AGRN: variants seen among roughly 807,000 people sequenced by gnomAD.
The protein encoded by AGRN is agrin proteoglycan.
Under a neutral mutation model 211.0 loss-of-function variants are expected in AGRN, and 106 were observed. That is an observed-to-expected ratio of 0.50 (90% CI 0.43 to 0.59). AGRN has a LOEUF of 0.59. Ranked by LOEUF, AGRN falls within the 20% of genes least tolerant of loss-of-function variation. The probability of loss-of-function intolerance (pLI) is 0.00; values close to 1 mark genes in which losing one functional copy is unlikely to be tolerated. For missense variants in AGRN, 3,040 were observed against 2,982.6 expected, an observed-to-expected ratio of 1.02 and a Z score of -0.45; for synonymous variants, 1,525 against 1,332.5, an observed-to-expected ratio of 1.14 and a Z score of -3.15.
Position 1,020,389 on chromosome 1 carries a change from C to T in AGRN, c.201+16C>T, listed in dbSNP as rs1644369166. On this transcript the variant is annotated intron_variant, in intron 1 of 35. Coordinates refer to ENST00000379370, the MANE Select transcript of AGRN (RefSeq NM_198576.4). ...CTCCTGCAAGGTGCGCCCACCCGGA[C>T]CCCGGCCTCCCCTCGCGACGCCTGC... is the stretch of plus-strand genomic sequence containing the variant. 1 of 1,489,926 alleles carries T rather than the reference C, an allele frequency of 6.7e-7. No individual in the cohort carries two copies. The allele number at this position is 1,489,926 out of a possible 1,614,324, so 92.3% of individuals were successfully genotyped here.
In AGRN at chr1:1,046,977, A is replaced by T. The variant is rs1165331107; in HGVS notation, c.3388+20A>T. 1 of 1,567,576 alleles carries T rather than the reference A, an allele frequency of 6.4e-7. No individual in the cohort carries two copies. The highest frequency in any genetic ancestry group is 1.9e-5 in the Admixed American group (1 of 52,836). Reference sequence around the variant, plus strand: ...GCCCCGGTGAGTGGACGGCTGGGCGAGGGGAGTGTGAGGATAGCCTGGGCT... The same window carrying T: ...GCCCCGGTGAGTGGACGGCTGGGCGTGGGGAGTGTGAGGATAGCCTGGGCT... On this transcript the variant is annotated intron_variant, in intron 19 of 35. Coordinates refer to ENST00000379370, the MANE Select transcript of AGRN (RefSeq NM_198576.4).
rs1645160375 is a variant in AGRN, at chr1:1,048,254, C to A, written c.3994C>A (p.Pro1332Thr). 4 of 1,540,442 alleles carry A rather than the reference C, an allele frequency of 2.6e-6. No homozygotes were observed. The highest frequency in any genetic ancestry group is 4.8e-5 in the East Asian group (2 of 41,350). The change falls in exon 23 of 36, where the codon CCC (proline) becomes ACC (threonine). Residue 1332 changes from proline (P) to threonine (T), a missense_variant. Coordinates refer to ENST00000379370, the MANE Select transcript of AGRN (RefSeq NM_198576.4). This position sits in a 1 kb window ranked among gnomAD's most constrained non-coding sequence, Gnocchi z 5.9. The stretch of plus-strand genomic sequence containing the variant: ...CCCGGCCCCCCAGCAGCCTCCAAAG[C>A]CCTGTGACTCACAGCCCTGCTTCCA... ...RPPAPQQPPK[P>T]CDSQPCFHGG...
At position 1,051,064 on chromosome 1, in the gene AGRN, G is replaced by A. The variant is rs954334869; in HGVS notation, c.5254-189G>A. 10 of 1,547,864 alleles carry A rather than the reference G, an allele frequency of 6.5e-6. No individual in the cohort carries two copies. In the African/African-American group the frequency reaches 8.2e-5, roughly 13 times the overall value. On this transcript the variant is annotated intron_variant, in intron 30 of 35. Transcript: ENST00000379370. ...GCAAGGTACTGTCGGCCTCTCATCC[G>A]CTCACCGTCTCTGGCGCCTCAACCC...
intron 4 of AGRN, 66 bp downstream of exon 4, chr1:1,040,946 G>C (rs1644914404): frequency 8.6e-7 from 1 of 1,157,498 alleles, no homozygotes; most frequent in Admixed American, 4.7e-5. Context: ...AGCGAGGCTG[G>C]GAGGGGCTTC....
rs1238861652 is a variant in AGRN at position 1,046,076 on chromosome 1, C to T, written c.2793C>T (p.Ala931=). Residue 931 remains alanine, a synonymous_variant, in exon 16 of 36, where the codon GCC becomes GCT. Transcript: ENST00000379370. The part of the protein sequence containing the change: ...CVCPMLTCPE[A]NATKVCGSDG... ...GCCCGATGCTCACCTGTCCAGAGGC[C>T]AACGCTACCAAGGTGAGGGGTGTGG... The T allele has an allele frequency of 1.2e-6, 2 of 1,614,058 alleles. No individual in the cohort carries two copies. Among genetic ancestry groups the T allele is most frequent in the East Asian group, 2.2e-5 (1 of 44,878 alleles).
In AGRN at chr1:1,020,129, C is replaced by T. The variant is rs1376314678; in HGVS notation, c.-44C>T. Reference sequence around the variant, plus strand: ...GCGTCCCGTCCTGTCCAGTCCCGTCCCCGGCGCGGCCCGCGCGCTCCTCCG... The same window carrying T: ...GCGTCCCGTCCTGTCCAGTCCCGTCTCCGGCGCGGCCCGCGCGCTCCTCCG... On this transcript the variant is annotated 5_prime_UTR_variant, in exon 1 of 36. Coordinates refer to ENST00000379370, the MANE Select transcript of AGRN (RefSeq NM_198576.4). 10 of 1,075,422 alleles carry T rather than the reference C, an allele frequency of 9.3e-6. No individual in the cohort carries two copies. Among genetic ancestry groups the T allele is most frequent in the East Asian group, 8.4e-5 (2 of 23,686 alleles). 66.6% of individuals were successfully genotyped at this position (1,075,422 alleles called of 1,614,324 possible).
rs368235925 is a variant in AGRN, at chr1:1,047,810, C to A, written c.3666C>A (p.Ala1222=). The change falls in exon 22 of 36, where the codon GCC becomes GCA. Residue 1222 remains alanine, a synonymous_variant. Coordinates refer to ENST00000379370, the MANE Select transcript of AGRN (RefSeq NM_198576.4). ...TAFRAPDVAR[A]LLRQIQVSRR... is the part of the protein sequence containing the mutation. ...TCAGGGCACCCGACGTGGCCCGGGC[C>A]CTGCTCCGGCAGATCCAGGTGTCCA... is the stretch of plus-strand genomic sequence containing the variant. The A allele has an allele frequency of 2.1e-5, 34 of 1,603,306 alleles. No individual in the cohort carries two copies. The African/African-American group carries it at 4.2e-4, about 20-fold the overall frequency.
intron 2 of AGRN, chr1:1,034,763 A>G (rs1054142718): frequency 4.0e-6 from 4 of 1,003,066 alleles, no homozygotes; most frequent in African/African-American, 1.7e-5. Context: ...GCCCCTGCAC[A>G]TAGAGGCTGG....
In AGRN at chr1:1,052,070, C is replaced by A. The variant is rs1037602270; in HGVS notation, c.5651+255C>A. 4.1e-6 allele frequency: 6 copies of A among 1,471,170 alleles called. No individual in the cohort carries two copies. In the Admixed American group the frequency reaches 1.2e-4, roughly 30 times the overall value. The allele number at this position is 1,471,170 out of a possible 1,614,324, so 91.1% of individuals were successfully genotyped here. The stretch of plus-strand genomic sequence containing the variant: ...CTCTCACTCCCACTCCTCCATCCTT[C>A]CTGGTGGGGAGCAGAGTCCGGAGCC... On this transcript the variant is annotated intron_variant, in intron 33 of 35. Coordinates refer to ENST00000379370, the MANE Select transcript of AGRN (RefSeq NM_198576.4).
intron 2 of AGRN, 27 bp from the exon 3 acceptor site, chr1:1,035,250 C>T: frequency 6.2e-7 from 1 of 1,612,620 alleles, no homozygotes; most frequent in African/African-American, 1.3e-5. Flanking sequence ...TCAGAGGAGC[C>T]TAACTTGGGG....
In AGRN at chr1:1,043,325, C is replaced by A; in HGVS notation, c.1471C>A (p.Leu491Met). 6.2e-7 allele frequency: 1 copy of A among 1,610,012 alleles called. No homozygotes were observed. Residue 491 changes from leucine to methionine, a missense_variant, in exon 8 of 36, where the codon CTG becomes ATG. By Grantham distance (15) the Leu-to-Met change is conservative. Around this residue, in one of 3 missense-constraint regions of AGRN, gnomAD observed 1,498 missense variants for 1,457.8 expected, o/e 1.03. Coordinates refer to ENST00000379370, the MANE Select transcript of AGRN (RefSeq NM_198576.4). ...VKNGQAACEC[L>M]QACSSLYDPV... ...GAACGGGCAGGCAGCGTGTGAATGC[C>A]TGCAGGCGTGCTCGAGCCTCTACGA...
In AGRN at chr1:1,051,782, C is replaced by A; in HGVS notation, c.5618C>A (p.Thr1873Asn). The change falls in exon 33 of 36, where the codon ACC becomes AAC. Residue 1873 changes from threonine to asparagine, a missense_variant. Coordinates refer to ENST00000379370, the MANE Select transcript of AGRN (RefSeq NM_198576.4). ...GATACCTTGGCCTTTGACGGGCGGACCTTTGTCGAGTACCTCAACGCTGTG... is the reference window on the plus strand; with the variant it reads ...GATACCTTGGCCTTTGACGGGCGGAACTTTGTCGAGTACCTCAACGCTGTG... ...DVDTLAFDGR[T>N]FVEYLNAVTE... The A allele has an allele frequency of 1.9e-6, 3 of 1,613,830 alleles. No individual in the cohort carries two copies. The highest frequency in any genetic ancestry group is 1.7e-6 in the Non-Finnish European group (2 of 1,179,984).
intron 19 of AGRN, 88 bp from the exon 20 acceptor site, chr1:1,047,239 C>T: frequency 6.6e-7 from 1 of 1,524,306 alleles, no homozygotes; most frequent in Non-Finnish European, 8.8e-7. Context: ...TCCCTTGCAC[C>T]CTTGTGGCTT....
At position 1,054,608 on chromosome 1, in the gene AGRN, G is replaced by A; in HGVS notation, c.5980+57G>A. The A allele has an allele frequency of 1.9e-6, 3 of 1,541,692 alleles. 1 individual carries two copies. Among genetic ancestry groups the A allele is most frequent in the Non-Finnish European group, 2.6e-6 (3 of 1,140,672 alleles). Reference sequence around the variant, plus strand: ...CCCAAGGGTCTCATGATATCCGAGGGACAGACTCCACCCCCCAGCGCCCAC... The same window carrying A: ...CCCAAGGGTCTCATGATATCCGAGGAACAGACTCCACCCCCCAGCGCCCAC... On this transcript the variant is annotated intron_variant, in intron 35 of 35. Coordinates refer to ENST00000379370, the MANE Select transcript of AGRN (RefSeq NM_198576.4).
At position 1,044,038 on chromosome 1, in the gene AGRN, G is replaced by A. The variant is rs745951951; in HGVS notation, c.1999+15G>A. ...GTGCGAGCAGGGTAGGCCGGGGGAC[G>A]CTGGCGAAAACTGCTGGGCTCTGGC... On this transcript the variant is annotated intron_variant, in intron 10 of 35. Transcript: ENST00000379370. The A allele has an allele frequency of 7.4e-6, 12 of 1,611,060 alleles. No individual in the cohort carries two copies. Among genetic ancestry groups the A allele is most frequent in the African/African-American group, 4.0e-5 (3 of 74,928 alleles).
At position 1,049,909 on chromosome 1, in the gene AGRN, C is replaced by A; in HGVS notation, c.4751C>A (p.Thr1584Asn). 1 of 1,610,714 alleles carries A rather than the reference C, an allele frequency of 6.2e-7. No individual in the cohort carries two copies. The highest frequency in any genetic ancestry group is 8.5e-7 in the Non-Finnish European group (1 of 1,179,284). The change falls in exon 27 of 36, where the codon ACC becomes AAC. Residue 1584 changes from threonine (T) to asparagine (N), a missense_variant. Transcript: ENST00000379370. Reference sequence around the variant, plus strand: ...CCCGTCTTCCTCCATCCAGGACCAACCTGTGCCGATGAGAAGAGCCCCTGC... The same window carrying A: ...CCCGTCTTCCTCCATCCAGGACCAAACTGTGCCGATGAGAAGAGCCCCTGC... ...CQCPPGRVGP[T>N]CADEKSPCQP...
intron 2 of AGRN, among the ~76,000 whole-genome samples, chr1:1,029,439 T>TG (rs1644601457): frequency 2.7e-5 from 1 of 36,586 alleles, no homozygotes; most frequent in African/African-American, 1.1e-4. Context: ...TGCAGGCAGG[T>TG]AGGGGGAGGG....
chr1:1,044,757 AGTG>A (rs1025705530), intron 12 of AGRN, among the ~76,000 whole-genome samples: 2 of 152,154 alleles, frequency 1.3e-5, no homozygotes, highest in East Asian at 1.9e-4. Context: ...ATTAGGTAAA[AGTG>A]GTGCCCGGTG....
At position 1,046,602 on chromosome 1, in the gene AGRN, G is replaced by A. The variant is rs758428644; in HGVS notation, c.3117G>A (p.Leu1039=). 5.0e-6 allele frequency: 8 copies of A among 1,605,464 alleles called. No individual in the cohort carries two copies. In the East Asian group the frequency reaches 1.8e-4, roughly 36 times the overall value. The change falls in exon 18 of 36, where the codon CTG becomes CTA. Residue 1039 remains leucine (L), a synonymous_variant. Coordinates refer to ENST00000379370, the MANE Select transcript of AGRN (RefSeq NM_198576.4). ...CCAGGACCACCGTGTGGCCCGTGCT[G>A]ACGGTGCCCCCCACGGCACCCTCCC... ...SVPRTTVWPV[L]TVPPTAPSPA...
Sources: allele counts gnomAD v4.1 joint callset (sites outside exome capture counted in the v4.1 genomes callset), GRCh38; gene constraint gnomAD v4.1.1; regional missense constraint gnomAD v4.1.1; non-coding constraint Gnocchi (gnomAD v3.1); transcripts MANE v1.5; gene names NCBI Gene and HGNC (gene_info 2026-07-23, HGNC 2026-07-21).